Variants in SYN2 observed in about 807,000 individuals in gnomAD.
The protein encoded by SYN2 is synapsin II.
SYN2 carries 19 observed loss-of-function variants against 50.9 expected under a neutral mutation model. The observed-to-expected ratio is 0.37, with a 90% CI of 0.26 to 0.55. The LOEUF (loss-of-function observed/expected upper bound fraction) is 0.55, where lower values mean the gene tolerates loss of function less well. SYN2 is among the 20% of genes least tolerant of loss of function. The pLI, the probability that SYN2 is intolerant of heterozygous loss-of-function variation, is 0.81. For synonymous variants in SYN2, 255 were observed against 224.9 expected (o/e 1.13, Z -1.20); for missense variants, 587 against 576.4 (o/e 1.02, Z -0.19).
In SYN2 at chr3:12,191,882, A is replaced by G. The variant is rs955572405; in HGVS notation, c.*1257A>G. The stretch of plus-strand genomic sequence containing the variant: ...AGATCTCAACGAAGGCATCCTAAAG[A>G]GGCCTGCAATTGAGGGTGGGCTCTG... On this transcript the variant is annotated 3_prime_UTR_variant, in exon 13 of 13. Transcript: ENST00000621198. 6.4e-4 allele frequency among the ~76,000 whole-genome samples: 97 copies of G among 152,254 alleles called. No homozygotes were observed. Among genetic ancestry groups the G allele is most frequent in the Middle Eastern group, 3.4e-3 (1 of 294 alleles).
chr3:12,101,651 C>A (rs1001745734), intron 1 of SYN2, among the ~76,000 whole-genome samples: 1 of 152,060 alleles, frequency 6.6e-6, no homozygotes, highest in Admixed American at 6.5e-5. Flanking sequence ...ATCTTAATGT[C>A]TTTAAAAAAG....
chr3:12,026,340 C>T (rs555120215), intron 1 of SYN2, among the ~76,000 whole-genome samples: 2 of 152,094 alleles, frequency 1.3e-5, no homozygotes, highest in Admixed American at 1.3e-4. Context: ...ACTAAGGGCC[C>T]TATCAACTTC....
chr3:12,149,360 G>T (rs754880346), intron 4 of SYN2, among the ~76,000 whole-genome samples: 13 of 152,246 alleles, frequency 8.5e-5, no homozygotes, highest in Non-Finnish European at 1.5e-4. Context: ...GCCCAGATGG[G>T]CAGGCAGGAC....
chr3:12,160,350 C>A (rs1317396222), intron 5 of SYN2, among the ~76,000 whole-genome samples: 2 of 152,182 alleles, frequency 1.3e-5, no homozygotes, highest in Admixed American at 1.3e-4. Context: ...TTCTTCCCAT[C>A]CTTGGCTGGC....
At chr3:12,083,975 G>C (rs906787468) in intron 1 of SYN2, among the ~76,000 whole-genome samples, 6 of 152,100 alleles carry the variant, frequency 3.9e-5, no homozygotes, top group Non-Finnish European at 8.8e-5. Context: ...GAGAATGCTG[G>C]AATAGTCCCC....
chr3:12,065,220 A>G (rs1695190669), intron 1 of SYN2, among the ~76,000 whole-genome samples: 1 of 152,158 alleles, frequency 6.6e-6, no homozygotes, highest in Admixed American at 6.6e-5. Context: ...GTGAGGCTGC[A>G]GAGTAAAGGG....
chr3:12,057,321 G>GTGTGTGTGTGTGTGTGTGTA (rs1215713756), intron 1 of SYN2, among the ~76,000 whole-genome samples: 11 of 149,982 alleles, frequency 7.3e-5, no homozygotes, highest in African/African-American at 2.7e-4. Context: ...GTGTGTGTGT[G>GTGTGTGTGTGTGTGTGTGTA]TGTATACTTT....
At chr3:12,122,313 AT>A (rs1348012084) in intron 1 of SYN2, among the ~76,000 whole-genome samples, 4 of 152,212 alleles carry the variant, frequency 2.6e-5, no homozygotes, top group African/African-American at 9.7e-5. Flanking sequence ...TGAACAAAAA[AT>A]AACAACATTC....
At chr3:12,058,561 C>G (rs910818246) in intron 1 of SYN2, among the ~76,000 whole-genome samples, 1 of 152,130 alleles carries the variant, frequency 6.6e-6, no homozygotes, top group African/African-American at 2.4e-5. Context: ...ATCAGCTCTT[C>G]TGATAATAAT....
intron 1 of SYN2, among the ~76,000 whole-genome samples, chr3:12,128,662 C>T (rs773615467): frequency 1.3e-5 from 2 of 152,022 alleles, no homozygotes; most frequent in African/African-American, 4.8e-5. Context: ...GGAAGATGGT[C>T]CCATCATACG....
intron 1 of SYN2, among the ~76,000 whole-genome samples, chr3:12,027,481 G>A (rs917090145): frequency 2.3e-4 from 35 of 152,206 alleles, no homozygotes; most frequent in Admixed American, 2.1e-3. Flanking sequence ...TCCTGTCCTG[G>A]TTGATGAAAG....
intron 4 of SYN2, among the ~76,000 whole-genome samples, chr3:12,146,369 T>C (rs1334176618): frequency 6.6e-6 from 1 of 152,200 alleles, no homozygotes; most frequent in Non-Finnish European, 1.5e-5. Flanking sequence ...GCTAGAAGTG[T>C]CTTGGAGATC....
rs982815542 is a variant in SYN2, at chr3:12,158,644, C to G, written c.775-2902C>G. 5 of 1,599,534 alleles carry G rather than the reference C, an allele frequency of 3.1e-6. No individual in the cohort carries two copies. In the African/African-American group the frequency reaches 5.4e-5, roughly 17 times the overall value. On this transcript the variant is annotated intron_variant, in intron 5 of 12. Transcript: ENST00000621198. ...TCTGGACTCCTGGTGTACTGCTGGC[C>G]AGATACTAATCCCCCACAACCACCC...
intron 1 of SYN2, among the ~76,000 whole-genome samples, chr3:12,051,954 T>G (rs535058668): frequency 6.6e-6 from 1 of 152,338 alleles, no homozygotes; most frequent in South Asian, 2.1e-4. Context: ...GGCTGTTGCC[T>G]CTTAGTTGGC....
At chr3:12,068,768 C>T (rs1384230359) in intron 1 of SYN2, among the ~76,000 whole-genome samples, 3 of 151,644 alleles carry the variant, frequency 2.0e-5, no homozygotes, top group Non-Finnish European at 4.4e-5. Flanking sequence ...ATATTGTTTT[C>T]TCTCTTTAAA....
intron 5 of SYN2, chr3:12,153,648 C>T: frequency 1.2e-6 from 2 of 1,614,188 alleles, no homozygotes; most frequent in Non-Finnish European, 1.7e-6. Flanking sequence ...TTCCAACAGC[C>T]AGTCTGTCCA....
At chr3:12,061,788 AAAAG>A (rs1249611584) in intron 1 of SYN2, among the ~76,000 whole-genome samples, 1 of 152,094 alleles carries the variant, frequency 6.6e-6, no homozygotes, top group African/African-American at 2.4e-5. Flanking sequence ...GCACCACAAA[AAAAG>A]AAAAAAGTAC....
At chr3:12,154,232 A>C (rs1446523207) in intron 5 of SYN2, 6 of 1,553,886 alleles carry the variant, frequency 3.9e-6, no homozygotes, top group Non-Finnish European at 5.3e-6. Context: ...TGCAGATCTC[A>C]AGTATAGTCT....
At position 12,172,585 on chromosome 3, in the gene SYN2, CAA is replaced by C. The variant is rs1406362863; in HGVS notation, c.1308+2680_1308+2681del. Reference sequence around the variant, plus strand: ...TTCCCCTCCTGGCTTTGATATGTGACAATATGCATAGAGGATTAACAACGAGG... The same window carrying C: ...TTCCCCTCCTGGCTTTGATATGTGACTATGCATAGAGGATTAACAACGAGG... On this transcript the variant is annotated intron_variant, in intron 10 of 12. Coordinates refer to ENST00000621198, the MANE Select transcript of SYN2 (RefSeq NM_133625.6). Among the ~76,000 whole-genome samples, 10 of 152,322 alleles carry C rather than the reference CAA, an allele frequency of 6.6e-5. No homozygotes were observed. In the East Asian group the frequency reaches 1.9e-3, roughly 29 times the overall value.
Sources: allele counts gnomAD v4.1 joint callset (sites outside exome capture counted in the v4.1 genomes callset), GRCh38; gene constraint gnomAD v4.1.1; transcripts MANE v1.5; gene names NCBI Gene and HGNC (gene_info 2026-07-23, HGNC 2026-07-21).